The following QDPR variants were observed in gnomAD, a reference collection of about 807,000 sequenced individuals.
The protein encoded by QDPR is dihydropteridine reductase.
A neutral mutation model predicts 31.7 loss-of-function variants in QDPR; 23 were observed. That is an observed-to-expected ratio of 0.73 (90% CI 0.52 to 1.03). The LOEUF (loss-of-function observed/expected upper bound fraction) is 1.03. Ranked by LOEUF, QDPR falls within the 50% of genes least tolerant of loss-of-function variation. QDPR has a pLI of 0.00. For synonymous variants in QDPR, 124 were observed against 124.7 expected (o/e 0.99, Z 0.03); for missense variants, 324 against 323.8 (o/e 1.00, Z 0.00).
At chr4:17,492,462 C>T (rs553437283) in intron 4 of QDPR, 122 bp from the exon 5 acceptor site, 7 of 808,956 alleles carry the variant, frequency 8.7e-6, no homozygotes, top group Non-Finnish European at 1.4e-5. Flanking sequence ...ATCTGGCCTC[C>T]TCCTTCAGGT....
intron 2 of QDPR, among the ~76,000 whole-genome samples, chr4:17,506,529 G>T (rs1718793263): frequency 6.6e-6 from 1 of 152,230 alleles, no homozygotes; most frequent in African/African-American, 2.4e-5. Flanking sequence ...CACTGCCCAT[G>T]TCCAAATAGT....
intron 4 of QDPR, among the ~76,000 whole-genome samples, chr4:17,497,630 T>C (rs566795332): frequency 1.3e-5 from 2 of 152,292 alleles, no homozygotes; most frequent in South Asian, 4.1e-4. Flanking sequence ...TAGGTTGTCT[T>C]AGACAAGGCA....
Position 17,486,944 on chromosome 4 carries a change from T to G in QDPR, c.*187A>C, listed in dbSNP as rs1717979575. On this transcript the variant is annotated 3_prime_UTR_variant, in exon 7 of 7. Transcript: ENST00000281243. ...CTATTTGCAGGCCACCAGTCTCGCA[T>G]GTCTTTACTTCACATAAATGTATTA... The G allele has an allele frequency of 1.6e-6, 1 of 624,792 alleles. No homozygotes were observed. The highest frequency in any genetic ancestry group is 2.9e-6 in the Non-Finnish European group (1 of 345,552). The allele number at this position is 624,792 out of a possible 1,614,324, so 38.7% of individuals were successfully genotyped here. A position where few individuals can be genotyped will look rare whatever the true frequency, so the allele number is the denominator to read the frequency against.
intron 6 of QDPR, among the ~76,000 whole-genome samples, chr4:17,488,255 TG>T (rs986598275): frequency 6.6e-6 from 1 of 151,440 alleles, no homozygotes; most frequent in African/African-American, 2.4e-5. Flanking sequence ...AGTGAGACCC[TG>T]TCTCAAAAAA....
intron 2 of QDPR, 124 bp downstream of exon 2, chr4:17,509,147 G>T (rs1718902834): frequency 1.3e-6 from 1 of 797,684 alleles, no homozygotes; most frequent in Non-Finnish European, 2.1e-6. Flanking sequence ...GACAGAGCAA[G>T]ACTCCGTCTC....
At chr4:17,504,337 A>G in intron 3 of QDPR, 42 bp downstream of exon 3, 1 of 1,556,266 alleles carries the variant, frequency 6.4e-7, no homozygotes, top group Non-Finnish European at 8.9e-7. Context: ...AGCTGGAAAA[A>G]GAGCAGAGCA....
rs751389453 is a variant in QDPR, at chr4:17,487,230, G to A, written c.636C>T (p.Phe212=). ...WTPLEFLVET[F]HDWITGKNRP... Reference sequence around the variant, plus strand: ...GGTTTTTCCCTGTGATCCAGTCATGGAAAGTTCTGGAACAGAAAATAAAAG... The same window carrying A: ...GGTTTTTCCCTGTGATCCAGTCATGAAAAGTTCTGGAACAGAAAATAAAAG... Residue 212 remains phenylalanine (F), a synonymous_variant, in exon 7 of 7, where the codon TTC becomes TTT. Coordinates refer to ENST00000281243, the MANE Select transcript of QDPR (RefSeq NM_000320.3). The A allele has an allele frequency of 7.5e-6, 12 of 1,593,876 alleles. No homozygotes were observed. In the South Asian group the frequency reaches 9.9e-5, roughly 13 times the overall value.
In QDPR at chr4:17,511,962, C is replaced by A; in HGVS notation, c.93G>T (p.Arg31=). 1 of 1,611,116 alleles carries A rather than the reference C, an allele frequency of 6.2e-7. No homozygotes were observed. Among genetic ancestry groups the A allele is most frequent in the Non-Finnish European group, 8.5e-7 (1 of 1,179,200 alleles). ...CCCGCAGCATTACCCAGTTGCGGGCCCGAAAAGCCTGCACGCATCGAGAAC... is the reference window on the plus strand; with the variant it reads ...CCCGCAGCATTACCCAGTTGCGGGCACGAAAAGCCTGCACGCATCGAGAAC... ...ALGSRCVQAF[R]ARNWWVASVD... is the part of the protein sequence containing the mutation. The change falls in exon 1 of 7, where the codon CGG becomes CGT. Residue 31 remains arginine, a synonymous_variant. Transcript: ENST00000281243.
chr4:17,503,225 A>AT lies in QDPR; in HGVS notation c.295+1153dup, dbSNP rs542703820. 9.2e-4 allele frequency among the ~76,000 whole-genome samples: 140 copies of AT among 152,316 alleles called. 1 individual carries two copies. The highest frequency in any genetic ancestry group is 3.2e-3 in the African/African-American group (131 of 41,576). On this transcript the variant is annotated intron_variant, in intron 3 of 6. Transcript: ENST00000281243. Reference sequence around the variant, plus strand: ...TTGACAAAAAGTCTTATCACAGGGGATTTTTTTAAAAATTCTAGATTTTCT... The same window carrying AT: ...TTGACAAAAAGTCTTATCACAGGGGATTTTTTTTAAAAATTCTAGATTTTCT...
intron 2 of QDPR, among the ~76,000 whole-genome samples, chr4:17,507,266 C>T (rs899819248): frequency 2.6e-5 from 4 of 152,264 alleles, no homozygotes; most frequent in South Asian, 2.1e-4. Context: ...CACTTAGTCG[C>T]GCAAACTTGT....
intron 1 of QDPR, among the ~76,000 whole-genome samples, chr4:17,510,686 C>G (rs1006048646): frequency 6.6e-6 from 1 of 152,088 alleles, no homozygotes; most frequent in Admixed American, 6.5e-5. Context: ...GAAAGCACAG[C>G]CTTCACCCTC....
At chr4:17,508,967 G>A (rs868598018) in intron 2 of QDPR, among the ~76,000 whole-genome samples, 1 of 152,072 alleles carries the variant, frequency 6.6e-6, no homozygotes, top group Non-Finnish European at 1.5e-5. Context: ...GATCAGCCTG[G>A]CCAACATGGT....
At position 17,501,777 on chromosome 4, in the gene QDPR, G is replaced by T. The variant is rs2108992993; in HGVS notation, c.378C>A (p.Leu126=). ...TISSHLATKH[L]KEGGLLTLAG... ...CCAAGGTCAGGAGGCCTCCTTCCTTGAGATGCTTGGTAGCCAGATGGCTGG... is the reference window on the plus strand; with the variant it reads ...CCAAGGTCAGGAGGCCTCCTTCCTTTAGATGCTTGGTAGCCAGATGGCTGG... Residue 126 remains leucine (L), a synonymous_variant, in exon 4 of 7, where the codon CTC becomes CTA. Transcript: ENST00000281243. The T allele has an allele frequency of 6.2e-7, 1 of 1,614,182 alleles. No individual in the cohort carries two copies. The highest frequency in any genetic ancestry group is 8.5e-7 in the Non-Finnish European group (1 of 1,180,022).
chr4:17,503,760 G>A (rs1215232168), intron 3 of QDPR, among the ~76,000 whole-genome samples: 1 of 152,126 alleles, frequency 6.6e-6, no homozygotes, highest in Non-Finnish European at 1.5e-5. Context: ...GACCAGCCTG[G>A]GCAACATGGT....
chr4:17,511,844 G>C (rs1390776024), intron 1 of QDPR, 106 bp downstream of exon 1: 1 of 1,134,422 alleles, frequency 8.8e-7, no homozygotes, highest in Non-Finnish European at 1.3e-6. Flanking sequence ...GAGTCAGGGG[G>C]TGCACAGGGG....
chr4:17,492,304 T>C lies in QDPR; in HGVS notation c.473A>G (p.His158Arg). ...IGYGMAKGAV[H>R]QLCQSLAGKN... ...CCCAGCCAGGCTCTGGCAGAGCTGG[T>C]GAACAGCACCCTTGGCCATGCCGTA... Residue 158 changes from histidine to arginine, a missense_variant, in exon 5 of 7, where the codon CAC becomes CGC. Coordinates refer to ENST00000281243, the MANE Select transcript of QDPR (RefSeq NM_000320.3). The C allele has an allele frequency of 1.9e-6, 3 of 1,614,122 alleles. No individual in the cohort carries two copies. Among genetic ancestry groups the C allele is most frequent in the Non-Finnish European group, 2.5e-6 (3 of 1,180,006 alleles).
chr4:17,502,543 T>A (rs532569300), intron 3 of QDPR, among the ~76,000 whole-genome samples: 6 of 152,234 alleles, frequency 3.9e-5, no homozygotes, highest in African/African-American at 1.4e-4. Flanking sequence ...TAAAAAAGAC[T>A]AGGAAAAAAA....
intron 2 of QDPR, among the ~76,000 whole-genome samples, chr4:17,507,948 T>C (rs772405460): frequency 2.6e-5 from 4 of 152,156 alleles, no homozygotes; most frequent in Non-Finnish European, 4.4e-5. Context: ...AAACTGTTAA[T>C]AGTGCATCCT....
rs754877560 is a variant in QDPR, at chr4:17,489,915, G to A, written c.629+747C>T. 3.9e-5 allele frequency: 6 copies of A among 154,352 alleles called. No individual in the cohort carries two copies. In the South Asian group the frequency reaches 1.0e-3, roughly 26 times the overall value. 9.6% of individuals were successfully genotyped at this position (154,352 alleles called of 1,614,324 possible). A position where few individuals can be genotyped will look rare whatever the true frequency, so the allele number is the denominator to read the frequency against. ...GTCAGGCTGTCACCTTGACCCTCTC[G>A]GCACCCCTGCTCCCTGTGGGCAGGG... On this transcript the variant is annotated intron_variant, in intron 6 of 6. Transcript: ENST00000281243.
Sources: gnomAD v4.1 joint callset for allele counts (sites outside exome capture counted in the v4.1 genomes callset) on GRCh38, gnomAD v4.1.1 for gene constraint, MANE v1.5 for transcripts, NCBI Gene and HGNC (gene_info 2026-07-23, HGNC 2026-07-21) for gene names.